Variants in TBC1D1 observed in about 807,000 individuals in gnomAD.
The protein encoded by TBC1D1 is TBC1 (tre-2/USP6, BUB2, cdc16) domain family, member 1.
In TBC1D1, 89 loss-of-function variants were observed where a neutral mutation model predicts 125.6. The ratio of observed to expected loss-of-function variants is 0.71; its 90% CI spans 0.60 to 0.85. The LOEUF is 0.85. Among genes scored for constraint, TBC1D1 ranks in the 40% least tolerant of loss-of-function variants. The pLI is 0.00. For missense variants in TBC1D1, 1,377 were observed against 1,469.2 expected, an observed-to-expected ratio of 0.94 and a Z score of 1.03; for synonymous variants, 565 against 564.1, an observed-to-expected ratio of 1.00 and a Z score of -0.02.
chr4:37,903,599 T>C (rs1179595090), intron 2 of TBC1D1, among the ~76,000 whole-genome samples: 1 of 152,242 alleles, frequency 6.6e-6, no homozygotes, highest in Non-Finnish European at 1.5e-5. Flanking sequence ...GTTTTCTCTC[T>C]GCACTCCATT....
intron 2 of TBC1D1, among the ~76,000 whole-genome samples, chr4:37,975,053 C>T (rs550306917): frequency 3.3e-5 from 5 of 152,226 alleles, no homozygotes; most frequent in African/African-American, 7.2e-5. Context: ...CAGCTGGGCC[C>T]GTGGTACCAC....
chr4:38,015,928 G>C (rs900962135), intron 3 of TBC1D1, among the ~76,000 whole-genome samples: 1 of 152,158 alleles, frequency 6.6e-6, no homozygotes, highest in African/African-American at 2.4e-5. Context: ...GTACCGAAAA[G>C]AGTAGTCAGA....
chr4:38,055,920 C>A lies in TBC1D1; in HGVS notation c.2050+1582C>A, dbSNP rs191708332. 5.3e-5 allele frequency among the ~76,000 whole-genome samples: 8 copies of A among 152,298 alleles called. No individual in the cohort carries two copies. In the East Asian group the frequency reaches 1.5e-3, roughly 29 times the overall value. On this transcript the variant is annotated intron_variant, in intron 12 of 19. Coordinates refer to ENST00000261439, the MANE Select transcript of TBC1D1 (RefSeq NM_015173.4). ...CATGTCTGAAAGGGGTGCCAGAACC[C>A]AAGTTTCGGTGTTTAATAAAGAGTG... is the stretch of plus-strand genomic sequence containing the variant.
rs1733364493 is a variant in TBC1D1, at chr4:37,977,363, C to T, written c.418-37146C>T. On this transcript the variant is annotated intron_variant, in intron 2 of 19. Transcript: ENST00000261439. This position sits in a 1 kb window ranked among gnomAD's most constrained non-coding sequence, Gnocchi z 4.3. ...TGACGAACTGGGTGGAGCCCGCCGC[C>T]GCCGCCGCCGCCGCCGGGGAGAGCG... is the stretch of plus-strand genomic sequence containing the variant. The T allele has an allele frequency of 9.4e-6, 3 of 318,346 alleles. No individual in the cohort carries two copies. The highest frequency in any genetic ancestry group is 6.7e-5 in the Admixed American group (1 of 14,966). The allele number at this position is 318,346 out of a possible 1,614,324, so 19.7% of individuals were successfully genotyped here.
chr4:38,087,845 CAA>C (rs1215951890), intron 12 of TBC1D1, among the ~76,000 whole-genome samples: 4,439 of 67,518 alleles, frequency 0.066, 53 homozygotes, highest in Middle Eastern at 0.12. Context: ...GATTCCGTCT[CAA>C]AAAAAAAAAA....
At chr4:37,948,191 A>G (rs964399916) in intron 2 of TBC1D1, among the ~76,000 whole-genome samples, 7 of 152,202 alleles carry the variant, frequency 4.6e-5, no homozygotes, top group Non-Finnish European at 8.8e-5. Flanking sequence ...AAGAGGCACC[A>G]TGTCAGAGGA....
chr4:38,027,588 A>G (rs1745309344), intron 6 of TBC1D1, among the ~76,000 whole-genome samples, 200 bp from the exon 7 acceptor site: 1 of 152,074 alleles, frequency 6.6e-6, no homozygotes, highest in Non-Finnish European at 1.5e-5. Context: ...GTGAGCCGTG[A>G]TTGCACCACT....
At position 37,995,942 on chromosome 4, in the gene TBC1D1, C is replaced by A; in HGVS notation, c.418-18567C>A. On this transcript the variant is annotated intron_variant, in intron 2 of 19. Coordinates refer to ENST00000261439, the MANE Select transcript of TBC1D1 (RefSeq NM_015173.4). The surrounding 1 kb of genome is among the most constrained non-coding windows in gnomAD (Gnocchi z 4.3). ...TCTCATTCCCAGGGAGAAATCCACA[C>A]TCAAGGACTTCTTTCTTCTCTTGCC... 1 of 575,500 alleles carries A rather than the reference C, an allele frequency of 1.7e-6. No individual in the cohort carries two copies. The highest frequency in any genetic ancestry group is 3.4e-6 in the Non-Finnish European group (1 of 292,102). 35.6% of individuals were successfully genotyped at this position (575,500 alleles called of 1,614,324 possible). A position where few individuals can be genotyped will look rare whatever the true frequency, so the allele number is the denominator to read the frequency against.
intron 12 of TBC1D1, among the ~76,000 whole-genome samples, chr4:38,058,422 G>A (rs1261313601): frequency 2.6e-5 from 4 of 152,194 alleles, no homozygotes; most frequent in Non-Finnish European, 5.9e-5. Context: ...CCAGCCAAGC[G>A]TGCACAAGAC....
chr4:38,116,435 C>T (rs756464574), intron 16 of TBC1D1, among the ~76,000 whole-genome samples: 9 of 152,236 alleles, frequency 5.9e-5, no homozygotes, highest in Non-Finnish European at 1.0e-4. Context: ...CCCACTTCCA[C>T]CTTGGGCACA....
chr4:38,008,274 C>T (rs1362036378), intron 2 of TBC1D1, among the ~76,000 whole-genome samples: 1 of 152,184 alleles, frequency 6.6e-6, no homozygotes, highest in African/African-American at 2.4e-5. Flanking sequence ...CTTTTTCTTT[C>T]TCACCTCCTC....
chr4:37,900,873 A>G (rs1232986638), intron 1 of TBC1D1, among the ~76,000 whole-genome samples: 6 of 152,068 alleles, frequency 3.9e-5, no homozygotes, highest in African/African-American at 1.2e-4. Context: ...GGAGTTCGAG[A>G]CCAGCCTGGC....
intron 12 of TBC1D1, among the ~76,000 whole-genome samples, chr4:38,089,038 G>A (rs976393332): frequency 1.3e-5 from 2 of 152,040 alleles, no homozygotes; most frequent in Admixed American, 6.5e-5. Flanking sequence ...TTGTCTGATA[G>A]GCTCATAATG....
At chr4:37,943,527 ATTCAT>A (rs1427288528) in intron 2 of TBC1D1, among the ~76,000 whole-genome samples, 1 of 152,038 alleles carries the variant, frequency 6.6e-6, no homozygotes, top group Non-Finnish European at 1.5e-5. Flanking sequence ...TGGAGGCTTT[ATTCAT>A]TTCTTTTTAC....
chr4:38,024,601 G>A (rs933820), intron 6 of TBC1D1, among the ~76,000 whole-genome samples: 71,241 of 152,040 alleles, frequency 0.47, 16,806 homozygotes, highest in East Asian at 0.62. Flanking sequence ...TCTGGTGGGG[G>A]TATGTTTTAC....
chr4:38,057,119 C>G (rs116321785), intron 12 of TBC1D1, among the ~76,000 whole-genome samples: 2,008 of 152,284 alleles, frequency 0.013, 44 homozygotes, highest in African/African-American at 0.045. Flanking sequence ...GCCCCACCAC[C>G]CAATCTCCTG....
At chr4:37,939,282 A>T (rs1385774244) in intron 2 of TBC1D1, among the ~76,000 whole-genome samples, 2 of 152,182 alleles carry the variant, frequency 1.3e-5, no homozygotes, top group Non-Finnish European at 2.9e-5. Flanking sequence ...GCCAGTGATG[A>T]TGAGCATTTT....
intron 18 of TBC1D1, among the ~76,000 whole-genome samples, chr4:38,128,722 T>A (rs1765071207): frequency 6.6e-6 from 1 of 152,066 alleles, no homozygotes; most frequent in Non-Finnish European, 1.5e-5. Context: ...ATTCCAAAGG[T>A]GACAGAGCCC....
intron 12 of TBC1D1, among the ~76,000 whole-genome samples, chr4:38,073,082 C>T (rs1754979732): frequency 6.6e-6 from 1 of 152,144 alleles, no homozygotes; most frequent in South Asian, 2.1e-4. Flanking sequence ...CAGCTATGAA[C>T]ATGGGTGTGC....
Sources: allele counts gnomAD v4.1 joint callset (sites outside exome capture counted in the v4.1 genomes callset), GRCh38; gene constraint gnomAD v4.1.1; non-coding constraint Gnocchi (gnomAD v3.1); transcripts MANE v1.5; gene names NCBI Gene and HGNC (gene_info 2026-07-23, HGNC 2026-07-21).